The following PGAP3 variants were observed in gnomAD, a reference collection of about 807,000 sequenced individuals.
The protein encoded by PGAP3 is post-GPI attachment to proteins phospholipase 3.
A neutral mutation model predicts 40.3 loss-of-function variants in PGAP3; 31 were observed. The ratio of observed to expected loss-of-function variants is 0.77; its 90% CI spans 0.58 to 1.04. The LOEUF (loss-of-function observed/expected upper bound fraction) is 1.04, where lower values mean the gene tolerates loss of function less well. Ranked by LOEUF, PGAP3 falls within the 50% of genes least tolerant of loss-of-function variation. The pLI is 0.00. For synonymous variants in PGAP3, 191 were observed against 184.5 expected, an observed-to-expected ratio of 1.04 and a Z score of -0.29; for missense variants, 413 against 423.0, an observed-to-expected ratio of 0.98 and a Z score of 0.21.
chr17:39,674,099 G>A (rs746491987), intron 4 of PGAP3, 45 bp from the exon 5 acceptor site: 19 of 1,585,850 alleles, frequency 1.2e-5, no homozygotes, highest in South Asian at 6.6e-5. Context: ...GAGGCTTCAC[G>A]GAGAGGACCC....
chr17:39,682,092 G>T (rs1221362242), intron 3 of PGAP3, among the ~76,000 whole-genome samples: 1 of 151,280 alleles, frequency 6.6e-6, no homozygotes, highest in Non-Finnish European at 1.5e-5. Context: ...CAGGTGTGGT[G>T]GTGGGCGCCT....
At chr17:39,685,497 AAAAAAC>A (rs1177183902) in intron 2 of PGAP3, among the ~76,000 whole-genome samples, 16 of 151,458 alleles carry the variant, frequency 1.1e-4, no homozygotes, top group Non-Finnish European at 1.6e-4. Flanking sequence ...ATCTCAAAAA[AAAAAAC>A]AAAAAACAAA....
intron 3 of PGAP3, among the ~76,000 whole-genome samples, chr17:39,680,542 A>G (rs2057426913): frequency 6.6e-6 from 1 of 151,940 alleles, no homozygotes; most frequent in Non-Finnish European, 1.5e-5. Context: ...AGCACGCCCC[A>G]TCTATCAGCT....
intron 3 of PGAP3, among the ~76,000 whole-genome samples, chr17:39,675,627 A>G (rs924163252): frequency 2.0e-5 from 3 of 152,178 alleles, no homozygotes; most frequent in African/African-American, 7.2e-5. Flanking sequence ...GCTCCAATGT[A>G]CCAGGAAAAC....
intron 6 of PGAP3, 122 bp downstream of exon 6, chr17:39,673,389 ATTC>A (rs2057334914): frequency 7.7e-6 from 12 of 1,551,854 alleles, no homozygotes; most frequent in Non-Finnish European, 1.1e-5. Context: ...CCCACCTCAA[ATTC>A]TTCTCCATTC....
Position 39,672,676 on chromosome 17 carries a change from G to A in PGAP3, c.*127C>T, listed in dbSNP as rs2057321711. On this transcript the variant is annotated 3_prime_UTR_variant, in exon 8 of 8. Coordinates refer to ENST00000300658, the MANE Select transcript of PGAP3 (RefSeq NM_033419.5). ...GGGGTGGGCTGGCCACATGATTCTG[G>A]GCCCACATCCTTCATGTCCAAGTTC... is the stretch of plus-strand genomic sequence containing the variant. 1.4e-5 allele frequency: 14 copies of A among 994,030 alleles called. No homozygotes were observed. In the South Asian group the frequency reaches 1.6e-4, roughly 11 times the overall value. 61.6% of individuals were successfully genotyped at this position (994,030 alleles called of 1,614,324 possible).
At position 39,681,978 on chromosome 17, in the gene PGAP3, T is replaced by C. The variant is rs143248329; in HGVS notation, c.432+2619A>G. On this transcript the variant is annotated intron_variant, in intron 3 of 7. Transcript: ENST00000300658. ...GCTCATGCCTGTAATCTCAGCACTT[T>C]GGGAGGCCGAGGCAGGCGGATCACG... Among the ~76,000 whole-genome samples, 1,140 of 151,228 alleles carry C rather than the reference T, an allele frequency of 7.5e-3. 9 individuals carry two copies. Among genetic ancestry groups the C allele is most frequent in the African/African-American group, 0.026 (1,069 of 41,326 alleles).
chr17:39,675,779 G>C (rs2057368581), intron 3 of PGAP3, among the ~76,000 whole-genome samples: 1 of 152,144 alleles, frequency 6.6e-6, no homozygotes, highest in Non-Finnish European at 1.5e-5. Context: ...GTACAGGCGG[G>C]GCAGAACTGC....
At chr17:39,675,949 A>T (rs550917563) in intron 3 of PGAP3, among the ~76,000 whole-genome samples, 1 of 152,294 alleles carries the variant, frequency 6.6e-6, no homozygotes, top group East Asian at 1.9e-4. Context: ...CCCCCGGGAC[A>T]AATCATGGCT....
At chr17:39,682,425 A>T (rs1251643876) in intron 3 of PGAP3, among the ~76,000 whole-genome samples, 1 of 152,084 alleles carries the variant, frequency 6.6e-6, no homozygotes, top group African/African-American at 2.4e-5. Flanking sequence ...TGGCTCTATA[A>T]GTAAGTTTGC....
chr17:39,682,964 C>A (rs1020120416), intron 3 of PGAP3, among the ~76,000 whole-genome samples: 1 of 152,074 alleles, frequency 6.6e-6, no homozygotes, highest in African/African-American at 2.4e-5. Flanking sequence ...GTAGTCCCAG[C>A]TGCTCAGGAG....
At chr17:39,684,410 A>AAT (rs2057481340) in intron 3 of PGAP3, among the ~76,000 whole-genome samples, 187 bp downstream of exon 3, 1 of 152,174 alleles carries the variant, frequency 6.6e-6, no homozygotes, top group African/African-American at 2.4e-5. Context: ...CTCTGCTGGA[A>AAT]AGGTAAGGCC....
intron 4 of PGAP3, 145 bp downstream of exon 4, chr17:39,674,472 G>T: frequency 1.2e-6 from 1 of 835,868 alleles, no homozygotes; most frequent in Non-Finnish European, 1.8e-6. Flanking sequence ...AGGATCAAGG[G>T]CACCAACAGG....
chr17:39,682,086 T>C (rs2057447826), intron 3 of PGAP3, among the ~76,000 whole-genome samples: 1 of 150,048 alleles, frequency 6.7e-6, no homozygotes, highest in Non-Finnish European at 1.5e-5. Flanking sequence ...ATTAGCCAGG[T>C]GTGGTGGTGG....
chr17:39,683,031 G>A (rs2057462690), intron 3 of PGAP3, among the ~76,000 whole-genome samples: 1 of 152,062 alleles, frequency 6.6e-6, no homozygotes, highest in Non-Finnish European at 1.5e-5. Flanking sequence ...AGCCAAGATA[G>A]CGCCACTGCA....
intron 3 of PGAP3, chr17:39,676,853 CT>C (rs1183924326): frequency 6.6e-6 from 1 of 152,376 alleles, no homozygotes; most frequent in Non-Finnish European, 1.5e-5. Context: ...CATGAGTGTT[CT>C]CTCCACTTGC....
rs574010722 is a variant in PGAP3, at chr17:39,684,681, C to T, written c.348G>A (p.Leu116=). Residue 116 remains leucine (L), a synonymous_variant, in exon 3 of 8, where the codon CTG becomes CTA. Coordinates refer to ENST00000300658, the MANE Select transcript of PGAP3 (RefSeq NM_033419.5). Reference sequence around the variant, plus strand: ...AGCGGCAGAGCATCACCAGGCTGGCCAGGCCATTGAGAAACGAGGCCACGG... The same window carrying T: ...AGCGGCAGAGCATCACCAGGCTGGCTAGGCCATTGAGAAACGAGGCCACGG... ...ASAVASFLNG[L]ASLVMLCRYR... is the part of the protein sequence containing the mutation. 6.2e-6 allele frequency: 10 copies of T among 1,613,982 alleles called. 1 individual carries two copies. In the South Asian group the frequency reaches 8.8e-5, roughly 14 times the overall value.
Position 39,673,684 on chromosome 17 carries a change from G to A in PGAP3, c.558-34C>T, listed in dbSNP as rs201233684. On this transcript the variant is annotated intron_variant, in intron 5 of 7. Transcript: ENST00000300658. Reference sequence around the variant, plus strand: ...CCGTCCAGGGTTGCTCAGAGGGCAGGTGGCCCATCCCCAGAGCAGCATTCC... The same window carrying A: ...CCGTCCAGGGTTGCTCAGAGGGCAGATGGCCCATCCCCAGAGCAGCATTCC... 112 of 1,610,328 alleles carry A rather than the reference G, an allele frequency of 7.0e-5. No homozygotes were observed. In the African/African-American group the frequency reaches 1.4e-3, roughly 20 times the overall value.
rs2057303298 is a variant in PGAP3 at position 39,671,360 on chromosome 17, T to TG, written c.*1442dup. On this transcript the variant is annotated 3_prime_UTR_variant, in exon 8 of 8. Transcript: ENST00000300658. ...TGGAGCTCCCTCCATTCTATTCCTGTGGGGCAGGAACATGCCAGGGCTGCT... is the reference window on the plus strand; with the variant it reads ...TGGAGCTCCCTCCATTCTATTCCTGTGGGGGCAGGAACATGCCAGGGCTGCT... The TG allele has an allele frequency of 6.6e-6, 1 of 152,306 alleles. No homozygotes were observed. The highest frequency in any genetic ancestry group is 1.5e-5 in the Non-Finnish European group (1 of 68,038). 9.4% of individuals were successfully genotyped at this position (152,306 alleles called of 1,614,324 possible).
Sources: gnomAD v4.1 joint callset for allele counts (sites outside exome capture counted in the v4.1 genomes callset) on GRCh38, gnomAD v4.1.1 for gene constraint, MANE v1.5 for transcripts, NCBI Gene and HGNC (gene_info 2026-07-23, HGNC 2026-07-21) for gene names.